The following CHD8 variants were observed in gnomAD, a reference collection of about 807,000 sequenced individuals.
The protein encoded by CHD8 is chromodomain helicase DNA binding protein 8, also known as ATP-dependent chromatin remodeler CHD8.
A neutral mutation model predicts 279.2 loss-of-function variants in CHD8; 31 were observed. The ratio of observed to expected loss-of-function variants is 0.11; its 90% confidence interval spans 0.08 to 0.15. The LOEUF is 0.15. CHD8 is among the 10% of genes least tolerant of loss of function. The pLI, the probability that CHD8 is intolerant of heterozygous loss-of-function variation, is 1.00. For missense variants in CHD8, 2,146 were observed against 3,230.5 expected, an observed-to-expected ratio of 0.66 and a Z score of 8.14; for synonymous variants, 1,081 against 1,139.6, an observed-to-expected ratio of 0.95 and a Z score of 1.04.
intron 20 of CHD8, 195 bp from the exon 21 acceptor site, chr14:21,401,708 C>T: frequency 3.4e-6 from 2 of 583,052 alleles, no homozygotes; most frequent in South Asian, 4.5e-5. Context: ...CCTCAGCCTC[C>T]CGAGTAGCTG....
rs747458076 is a variant in CHD8 at position 21,392,747 on chromosome 14, A to T, written c.6531T>A (p.Pro2177=). ...VCQAVLSGKW[P]SSRRSQEMVT... Reference sequence around the variant, plus strand: ...CCATTTCCTGGCTCCTACGGCTAGAAGGCCACTTCCCTGAGAGTACAGCCT... The same window carrying T: ...CCATTTCCTGGCTCCTACGGCTAGATGGCCACTTCCCTGAGAGTACAGCCT... The change falls in exon 34 of 38, where the codon CCT becomes CCA. Residue 2177 remains proline (P), a synonymous_variant. Coordinates refer to ENST00000646647, the MANE Select transcript of CHD8 (RefSeq NM_001170629.2). The T allele has an allele frequency of 1.3e-5, 21 of 1,613,872 alleles. No individual in the cohort carries two copies. The Admixed American group carries it at 3.3e-4, about 26-fold the overall frequency.
intron 10 of CHD8, 51 bp downstream of exon 10, chr14:21,412,862 C>T (rs1888561861): frequency 2.6e-6 from 3 of 1,147,076 alleles, no homozygotes; most frequent in East Asian, 4.7e-5. Context: ...GCAAACCCAC[C>T]AGCAGAAATC....
In CHD8 at chr14:21,428,010, T is replaced by C; in HGVS notation, c.1460A>G (p.Asp487Gly). The change falls in exon 4 of 38, where the codon GAC (aspartate) becomes GGC (glycine). Residue 487 changes from aspartate to glycine, a missense_variant. By Grantham distance (94) the Asp-to-Gly change is moderately conservative. Transcript: ENST00000646647. The stretch of plus-strand genomic sequence containing the variant: ...CTCTGGCCGAACGCTGGGCAACTCG[T>C]CCTCATTTAAGACTCGAGGTATGTT... The part of the protein sequence containing the change: ...EQNIPRVLNE[D>G]ELPSVRPEEE... 1 of 1,614,064 alleles carries C rather than the reference T, an allele frequency of 6.2e-7. No individual in the cohort carries two copies. The highest frequency in any genetic ancestry group is 1.1e-5 in the South Asian group (1 of 91,082).
intron 1 of CHD8, among the ~76,000 whole-genome samples, chr14:21,451,951 C>G (rs1890266631): frequency 6.6e-6 from 1 of 152,022 alleles, no homozygotes; most frequent in Non-Finnish European, 1.5e-5. Context: ...ACAATGAAAA[C>G]TTTAGAGTTT....
At position 21,393,968 on chromosome 14, in the gene CHD8, T is replaced by G; in HGVS notation, c.5827A>C (p.Ser1943Arg). 1 of 1,613,980 alleles carries G rather than the reference T, an allele frequency of 6.2e-7. No homozygotes were observed. The highest frequency in any genetic ancestry group is 8.5e-7 in the Non-Finnish European group (1 of 1,179,878). Residue 1943 changes from serine to arginine, a missense_variant, in exon 32 of 38, where the codon AGC becomes CGC. Transcript: ENST00000646647. ...TGCATGATGTTGCAGTCTGTTTGGC[T>G]CACCCCATGGCGGGCTGCCCCTCTT... ...LLRGAARHGV[S>R]QTDCNIMQDP...
intron 5 of CHD8, among the ~76,000 whole-genome samples, chr14:21,418,542 G>A (rs1025434515): frequency 6.8e-5 from 10 of 147,114 alleles, no homozygotes; most frequent in Non-Finnish European, 1.0e-4. Context: ...ATAGCCAGGC[G>A]CGGTGGCCCA....
At chr14:21,407,202 G>C (rs542638356) in intron 13 of CHD8, among the ~76,000 whole-genome samples, 170 bp from the exon 14 acceptor site, 1 of 152,174 alleles carries the variant, frequency 6.6e-6, no homozygotes, top group Non-Finnish European at 1.5e-5. Context: ...ATCACTGAAT[G>C]TAAGATACAT....
chr14:21,413,122 G>A lies in CHD8; in HGVS notation c.2143-126C>T, dbSNP rs59539443. 244 of 674,414 alleles carry A rather than the reference G, an allele frequency of 3.6e-4. 2 individuals are homozygous for A. The East Asian group carries it at 6.5e-3, about 18-fold the overall frequency. The allele number at this position is 674,414 out of a possible 1,614,324, so 41.8% of individuals were successfully genotyped here. A position where few individuals can be genotyped will look rare whatever the true frequency, so the allele number is the denominator to read the frequency against. ...TTAAAGAAATTAGAAGCTATCCGAT[G>A]GGTGTTCTCCTTTTTCATAACAGCA... On this transcript the variant is annotated intron_variant, in intron 9 of 37. Coordinates refer to ENST00000646647, the MANE Select transcript of CHD8 (RefSeq NM_001170629.2).
intron 20 of CHD8, 171 bp downstream of exon 20, chr14:21,401,786 T>C (rs1009030529): frequency 9.5e-6 from 6 of 629,954 alleles, no homozygotes; most frequent in Non-Finnish European, 5.4e-6. Flanking sequence ...GGTTTCACCA[T>C]GTTGGGCAGG....
Position 21,402,239 on chromosome 14 carries a change from C to A in CHD8, c.3882+97G>T, listed in dbSNP as rs575200987. On this transcript the variant is annotated intron_variant, in intron 19 of 37. Transcript: ENST00000646647. This position sits in a 1 kb window ranked among gnomAD's most constrained non-coding sequence, Gnocchi z 4.5. ...ATTTTAAGAAATAATAATTGAGAAT[C>A]CAAACAAGGTAGTCAAATCCCTGTG... 5.3e-6 allele frequency: 8 copies of A among 1,505,574 alleles called. No individual in the cohort carries two copies. The highest frequency in any genetic ancestry group is 2.3e-5 in the East Asian group (1 of 44,200). 93.3% of individuals were successfully genotyped at this position (1,505,574 alleles called of 1,614,324 possible). A position where few individuals can be genotyped will look rare whatever the true frequency, so the allele number is the denominator to read the frequency against.
At chr14:21,396,095 C>T (rs532099128) in intron 27 of CHD8, among the ~76,000 whole-genome samples, 3 of 152,258 alleles carry the variant, frequency 2.0e-5, no homozygotes, top group Admixed American at 2.0e-4. Flanking sequence ...CTCCTGGACT[C>T]AAGCGATCCT....
intron 35 of CHD8, 33 bp from the exon 36 acceptor site, chr14:21,391,675 T>C: frequency 9.1e-7 from 1 of 1,101,356 alleles, no homozygotes; most frequent in Non-Finnish European, 1.3e-6. Flanking sequence ...CATGAGCACA[T>C]ACTCTTCTTT....
At chr14:21,399,470 CT>C in intron 26 of CHD8, 131 bp downstream of exon 26, 1 of 672,590 alleles carries the variant, frequency 1.5e-6, no homozygotes, top group Non-Finnish European at 2.7e-6. Flanking sequence ...TATTTAAGAA[CT>C]ACTTTCCTAC....
intron 1 of CHD8, among the ~76,000 whole-genome samples, chr14:21,444,455 T>C (rs1349071806): frequency 6.6e-6 from 1 of 152,176 alleles, no homozygotes; most frequent in Non-Finnish European, 1.5e-5. Flanking sequence ...CAGGAATAGC[T>C]ACATTCTAGA....
At chr14:21,411,326 G>A (rs1888483777) in intron 10 of CHD8, among the ~76,000 whole-genome samples, 1 of 152,300 alleles carries the variant, frequency 6.6e-6, no homozygotes, top group South Asian at 2.1e-4. Flanking sequence ...TGTGAAGCAT[G>A]CTTGTTAGGA....
At chr14:21,431,899 T>C (rs1229816734) in intron 1 of CHD8, 41 bp from the exon 2 acceptor site, 5 of 1,421,592 alleles carry the variant, frequency 3.5e-6, no homozygotes, top group South Asian at 2.3e-5. Context: ...ATAGGCAAAG[T>C]TGGCGATCTC....
In CHD8 at chr14:21,393,999, C is replaced by A; in HGVS notation, c.5796G>T (p.Glu1932Asp). The change falls in exon 32 of 38, where the codon GAG (glutamate) becomes GAT (aspartate). Residue 1932 changes from glutamate to aspartate, a missense_variant. Around this residue, in one of 26 missense-constraint regions of CHD8, gnomAD observed 513 missense variants for 637.6 expected, o/e 0.80. Coordinates refer to ENST00000646647, the MANE Select transcript of CHD8 (RefSeq NM_001170629.2). The stretch of plus-strand genomic sequence containing the variant: ...CATGGCGGGCTGCCCCTCTTAGAAG[C>A]TCCCCATCATGCCGAACAGGCTCCC... Reference protein sequence around the residue: ...KWWEPVRHDGELLRGAARHGV... With the variant: ...KWWEPVRHDGDLLRGAARHGV... 1 of 1,613,900 alleles carries A rather than the reference C, an allele frequency of 6.2e-7. No homozygotes were observed. The highest frequency in any genetic ancestry group is 8.5e-7 in the Non-Finnish European group (1 of 1,179,822).
chr14:21,443,855 CAAAAA>C (rs369671712), intron 1 of CHD8, among the ~76,000 whole-genome samples: 1 of 47,222 alleles, frequency 2.1e-5, no homozygotes, highest in African/African-American at 8.0e-5. Context: ...GACTCCGTCT[CAAAAA>C]AAAAAAAAAA....
chr14:21,427,996 C>A lies in CHD8; in HGVS notation c.1474G>T (p.Val492Phe). 1 of 1,614,078 alleles carries A rather than the reference C, an allele frequency of 6.2e-7. No individual in the cohort carries two copies. Among genetic ancestry groups the A allele is most frequent in the South Asian group, 1.1e-5 (1 of 91,088 alleles). Reference protein sequence around the residue: ...RVLNEDELPSVRPEEEGEKKR... With the variant: ...RVLNEDELPSFRPEEEGEKKR... ...TTCTCGCCTTCCTCCTCTGGCCGAA[C>A]GCTGGGCAACTCGTCCTCATTTAAG... Residue 492 changes from valine (V) to phenylalanine (F), a missense_variant, in exon 4 of 38, where the codon GTT becomes TTT. By Grantham distance (50) the Val-to-Phe change is conservative (BLOSUM62 -1). This residue lies in a region of CHD8 where 123 missense variants were observed against 169.2 expected (regional missense o/e 0.73). Coordinates refer to ENST00000646647, the MANE Select transcript of CHD8 (RefSeq NM_001170629.2).
Sources: allele counts gnomAD v4.1 joint callset (sites outside exome capture counted in the v4.1 genomes callset), GRCh38; gene constraint gnomAD v4.1.1; regional missense constraint gnomAD v4.1.1; non-coding constraint Gnocchi (gnomAD v3.1); transcripts MANE v1.5; gene names NCBI Gene and HGNC (gene_info 2026-07-23, HGNC 2026-07-21).